Variants in PCDHGA1 observed in about 807,000 individuals in gnomAD.
The protein encoded by PCDHGA1 is protocadherin gamma-A1.
PCDHGA1 carries 32 observed loss-of-function variants against 58.0 expected under a neutral mutation model. The ratio of observed to expected loss-of-function variants is 0.55; its 90% CI spans 0.42 to 0.74. The LOEUF is 0.74. PCDHGA1 is among the 30% of genes least tolerant of loss of function. The pLI is 0.00. For synonymous variants in PCDHGA1, 498 were observed against 501.1 expected (o/e 0.99, Z 0.08); for missense variants, 1,205 against 1,182.3 (o/e 1.02, Z -0.28).
At chr5:141,409,589 G>A (rs1487343349) in intron 1 of PCDHGA1, 12 of 1,613,758 alleles carry the variant, frequency 7.4e-6, no homozygotes, top group East Asian at 4.5e-5. Flanking sequence ...CCACGTGGCC[G>A]AGAACAACCC....
At chr5:141,421,257 C>T (rs944057868) in intron 1 of PCDHGA1, 1 of 1,608,520 alleles carries the variant, frequency 6.2e-7, no homozygotes, top group African/African-American at 1.3e-5. Context: ...GCGGGGACCG[C>T]AGTCGGCTGC....
chr5:141,377,580 A>G (rs1350053157), intron 1 of PCDHGA1: 1 of 151,568 alleles, frequency 6.6e-6, no homozygotes, highest in African/African-American at 2.4e-5. Context: ...TGGGAGACAG[A>G]ATGAGACTTT....
intron 1 of PCDHGA1, chr5:141,339,717 T>A (rs761046052): frequency 1.2e-6 from 2 of 1,614,138 alleles, no homozygotes; most frequent in Admixed American, 3.3e-5. Context: ...GAGTACCGCA[T>A]AAGCATTCCG....
Position 141,331,199 on chromosome 5 carries a change from T to C in PCDHGA1, c.515T>C (p.Leu172Pro), listed in dbSNP as rs776508959. 1 of 1,614,096 alleles carries C rather than the reference T, an allele frequency of 6.2e-7. No individual in the cohort carries two copies. Among genetic ancestry groups the C allele is most frequent in the South Asian group, 1.1e-5 (1 of 91,078 alleles). The change falls in exon 1 of 4, where the codon CTC becomes CCC. Residue 172 changes from leucine (L) to proline (P), a missense_variant. By Grantham distance (98) the Leu-to-Pro change is moderately conservative. Transcript: ENST00000517417. ...ATGAACTCACTCCAGAGCTACCAAC[T>C]CAGCTCTAACCCTCATTTCTCCCTG... ...VGMNSLQSYQ[L>P]SSNPHFSLDV...
chr5:141,340,173 A>T, intron 1 of PCDHGA1: 2 of 1,614,126 alleles, frequency 1.2e-6, no homozygotes, highest in Non-Finnish European at 1.7e-6. Context: ...GTAGACAATT[A>T]CTACCGACTG....
intron 1 of PCDHGA1, among the ~76,000 whole-genome samples, chr5:141,445,582 T>C (rs886701142): frequency 6.6e-6 from 1 of 152,214 alleles, no homozygotes; most frequent in Non-Finnish European, 1.5e-5. Context: ...TAGGGAAGCT[T>C]CGCCTAATCT....
At chr5:141,419,667 G>T in intron 1 of PCDHGA1, 1 of 1,612,894 alleles carries the variant, frequency 6.2e-7, no homozygotes, top group South Asian at 1.1e-5. Flanking sequence ...CACAATGCCT[G>T]GCTGTCCTAC....
Position 141,332,303 on chromosome 5 carries a change from C to T in PCDHGA1, c.1619C>T (p.Pro540Leu). Residue 540 changes from proline (P) to leucine (L), a missense_variant, in exon 1 of 4, where the codon CCG becomes CTG. By Grantham distance (98) the Pro-to-Leu change is moderately conservative. Transcript: ENST00000517417. This position sits in a 1 kb window ranked among gnomAD's most constrained non-coding sequence, Gnocchi z 4.6. ...GTGATGGCGCGGGACAGTGGGGATC[C>T]GCCCCTCAGCAGCAACGTGTCTCTC... ...LKVMARDSGDPPLSSNVSLSL... is the reference protein window; with the variant it reads ...LKVMARDSGDLPLSSNVSLSL... 6.2e-7 allele frequency: 1 copy of T among 1,614,214 alleles called. No individual in the cohort carries two copies.
At chr5:141,404,875 C>A in intron 1 of PCDHGA1, 1 of 1,613,904 alleles carries the variant, frequency 6.2e-7, no homozygotes, top group Non-Finnish European at 8.5e-7. Context: ...TCAAACAGAG[C>A]CTTGTGGTGG....
At chr5:141,423,549 C>T (rs748764057) in intron 1 of PCDHGA1, 113 of 1,613,568 alleles carry the variant, frequency 7.0e-5, no homozygotes, top group Non-Finnish European at 8.7e-5. Flanking sequence ...TCCCCCAGCC[C>T]AACTATGGGG....
At chr5:141,421,119 C>A (rs542039688) in intron 1 of PCDHGA1, 2 of 772,768 alleles carry the variant, frequency 2.6e-6, no homozygotes, top group South Asian at 1.9e-5. Flanking sequence ...TATTTTCCTT[C>A]GCTTTCTGAT....
rs1420257506 is a variant in PCDHGA1, at chr5:141,333,388, C to A, written c.2421+283C>A. 1.3e-5 allele frequency: 7 copies of A among 539,358 alleles called. 1 individual carries two copies. Among genetic ancestry groups the A allele is most frequent in the East Asian group, 1.2e-4 (4 of 33,076 alleles). The allele number at this position is 539,358 out of a possible 1,614,324, so 33.4% of individuals were successfully genotyped here. ...TTTGGAAAGAGCACTGCATTAGAAA[C>A]GGCGATCTAGCTTCTAACATTTTCT... On this transcript the variant is annotated intron_variant, in intron 1 of 3. Coordinates refer to ENST00000517417, the MANE Select transcript of PCDHGA1 (RefSeq NM_018912.3).
intron 1 of PCDHGA1, chr5:141,356,428 C>A: frequency 6.8e-6 from 11 of 1,608,476 alleles, no homozygotes; most frequent in Non-Finnish European, 8.5e-6. Flanking sequence ...ACACAGAACA[C>A]TGGACAGGGA....
intron 1 of PCDHGA1, chr5:141,355,570 A>G: frequency 6.2e-7 from 1 of 1,614,018 alleles, no homozygotes; most frequent in Non-Finnish European, 8.5e-7. Context: ...GGTGGAAATA[A>G]TCGATGTTAA....
intron 1 of PCDHGA1, chr5:141,341,465 T>G: frequency 3.1e-6 from 5 of 1,593,898 alleles, no homozygotes; most frequent in Non-Finnish European, 4.3e-6. Flanking sequence ...GTTTACTATA[T>G]CTATTTTGTT....
intron 1 of PCDHGA1, among the ~76,000 whole-genome samples, chr5:141,369,676 A>T (rs1172722090): frequency 6.6e-6 from 1 of 152,246 alleles, no homozygotes; most frequent in Non-Finnish European, 1.5e-5. Context: ...GAAGAAAGTG[A>T]AACATAGAAT....
chr5:141,398,051 C>G, intron 1 of PCDHGA1: 3 of 1,512,220 alleles, frequency 2.0e-6, no homozygotes, highest in Non-Finnish European at 2.7e-6. Context: ...GTTCGGAGAT[C>G]CAAAAATCTA....
At chr5:141,351,240 G>A in intron 1 of PCDHGA1, 7 of 1,614,026 alleles carry the variant, frequency 4.3e-6, no homozygotes, top group Non-Finnish European at 5.1e-6. Context: ...ACAGCTCACT[G>A]TAATGTTCAA....
intron 1 of PCDHGA1, chr5:141,390,545 A>G (rs62378444): frequency 2.0e-6 from 1 of 505,936 alleles, no homozygotes; most frequent in African/African-American, 1.9e-5. Context: ...CCACAAAGTG[A>G]AAGTGTTAGA....
Sources: gnomAD v4.1 joint callset for allele counts (sites outside exome capture counted in the v4.1 genomes callset) on GRCh38, gnomAD v4.1.1 for gene constraint, Gnocchi (gnomAD v3.1) non-coding constraint, MANE v1.5 for transcripts, NCBI Gene and HGNC (gene_info 2026-07-23, HGNC 2026-07-21) for gene names.